Variants in TMEM232 observed in about 807,000 individuals in gnomAD.
TMEM232 encodes the protein transmembrane protein 232.
A neutral mutation model predicts 78.8 loss-of-function variants in TMEM232; 80 were observed. The observed-to-expected ratio is 1.01, with a 90% confidence interval of 0.85 to 1.22. The LOEUF (loss-of-function observed/expected upper bound fraction) is 1.22. Among genes scored for constraint, TMEM232 ranks in the 50% most tolerant of loss-of-function variants. The pLI is 0.00. For synonymous variants in TMEM232, 297 were observed against 254.3 expected, an observed-to-expected ratio of 1.17 and a Z score of -1.60; for missense variants, 881 against 742.2, an observed-to-expected ratio of 1.19 and a Z score of -2.17.
At chr5:110,460,760 G>A (rs577268915) in intron 12 of TMEM232, among the ~76,000 whole-genome samples, 3 of 150,948 alleles carry the variant, frequency 2.0e-5, no homozygotes, top group South Asian at 2.1e-4. Context: ...GTGCGCACTC[G>A]GTGTCTCTGT....
intron 3 of TMEM232, 25 bp downstream of exon 3, chr5:110,642,235 C>A: frequency 7.0e-7 from 1 of 1,428,468 alleles, no homozygotes; most frequent in South Asian, 1.3e-5. Context: ...TTAACATGCT[C>A]AACAATCAAA....
intron 10 of TMEM232, among the ~76,000 whole-genome samples, chr5:110,591,330 C>T (rs1346846216): frequency 1.3e-5 from 2 of 152,182 alleles, no homozygotes; most frequent in African/African-American, 2.4e-5. Context: ...TGGTGGCACA[C>T]ACCTGTAATC....
chr5:110,462,620 C>A (rs759306433), intron 12 of TMEM232, among the ~76,000 whole-genome samples: 21 of 152,148 alleles, frequency 1.4e-4, no homozygotes, highest in Non-Finnish European at 2.9e-4. Flanking sequence ...TGCTGGCTTC[C>A]CTACTTTTGA....
At chr5:110,620,616 TC>T (rs1172787252) in intron 7 of TMEM232, among the ~76,000 whole-genome samples, 1 of 137,012 alleles carries the variant, frequency 7.3e-6, no homozygotes, top group African/African-American at 3.0e-5. Context: ...TCTCTCTCTC[TC>T]TCTCTCTCTC....
At chr5:110,516,971 TAAAG>T (rs146541881) in intron 12 of TMEM232, among the ~76,000 whole-genome samples, 5,782 of 152,212 alleles carry the variant, frequency 0.038, 374 homozygotes, top group African/African-American at 0.13. Context: ...TCCCAGACAA[TAAAG>T]AAACATTGTC....
intron 12 of TMEM232, among the ~76,000 whole-genome samples, chr5:110,512,660 T>G (rs1767953796): frequency 6.6e-6 from 1 of 152,172 alleles, no homozygotes; most frequent in Non-Finnish European, 1.5e-5. Context: ...ACATTCTAAT[T>G]AAGCAGTTAA....
At chr5:110,595,413 T>A (rs1046362814) in intron 10 of TMEM232, among the ~76,000 whole-genome samples, 1 of 152,072 alleles carries the variant, frequency 6.6e-6, no homozygotes, top group Admixed American at 6.6e-5. Context: ...CAAAACCGTA[T>A]GAAGAAAGAG....
At chr5:110,701,235 G>T (rs906588341) in intron 1 of TMEM232, among the ~76,000 whole-genome samples, 2 of 151,910 alleles carry the variant, frequency 1.3e-5, no homozygotes, top group Non-Finnish European at 2.9e-5. Flanking sequence ...TTGATGATTT[G>T]CTAACACATA....
chr5:110,529,718 C>G (rs933183466), intron 11 of TMEM232, among the ~76,000 whole-genome samples: 2 of 152,016 alleles, frequency 1.3e-5, no homozygotes, highest in African/African-American at 4.8e-5. Context: ...AATATTTATT[C>G]AGGAAAAGGC....
intron 2 of TMEM232, among the ~76,000 whole-genome samples, chr5:110,646,189 T>C (rs1054377194): frequency 1.3e-5 from 2 of 151,818 alleles, no homozygotes; most frequent in African/African-American, 4.8e-5. Flanking sequence ...CTCAATTCAA[T>C]TGCTATCAAA....
intron 1 of TMEM232, among the ~76,000 whole-genome samples, chr5:110,700,279 G>A (rs1795281054): frequency 6.6e-6 from 1 of 152,054 alleles, no homozygotes; most frequent in African/African-American, 2.4e-5. Context: ...AATGAATGAA[G>A]ACAGTCTAAG....
intron 11 of TMEM232, among the ~76,000 whole-genome samples, chr5:110,529,383 C>T (rs1771094666): frequency 1.3e-5 from 2 of 151,948 alleles, no homozygotes; most frequent in Admixed American, 6.6e-5. Context: ...GTAGCTAGGA[C>T]TACAGGCATG....
chr5:110,421,044 G>A (rs1309760039), intron 13 of TMEM232, among the ~76,000 whole-genome samples: 2 of 151,294 alleles, frequency 1.3e-5, no homozygotes, highest in South Asian at 2.1e-4. Flanking sequence ...ATGGTTTTAC[G>A]TTCTTCATCA....
At chr5:110,530,038 G>T (rs73783609) in intron 11 of TMEM232, among the ~76,000 whole-genome samples, 6,151 of 152,178 alleles carry the variant, frequency 0.04, 197 homozygotes, top group African/African-American at 0.086. Flanking sequence ...TCAATCTTGC[G>T]ATAGGAAAGA....
At chr5:110,630,373 G>A (rs1784957080) in intron 5 of TMEM232, among the ~76,000 whole-genome samples, 1 of 152,126 alleles carries the variant, frequency 6.6e-6, no homozygotes, top group Non-Finnish European at 1.5e-5. Flanking sequence ...AGAAGTTATG[G>A]GAAATACCTG....
chr5:110,516,725 A>G (rs1022439038), intron 12 of TMEM232, among the ~76,000 whole-genome samples: 1 of 152,226 alleles, frequency 6.6e-6, no homozygotes, highest in African/African-American at 2.4e-5. Context: ...GAAAAATTAC[A>G]TAAAGAAAAA....
At chr5:110,568,324 T>C (rs1334098536) in intron 11 of TMEM232, 123 bp downstream of exon 11, 1 of 948,910 alleles carries the variant, frequency 1.1e-6, no homozygotes, top group Non-Finnish European at 1.5e-6. Context: ...TTAAAAATAT[T>C]ATTCTCACCT....
chr5:110,585,088 G>A (rs993946458), intron 10 of TMEM232, among the ~76,000 whole-genome samples: 1 of 152,090 alleles, frequency 6.6e-6, no homozygotes, highest in South Asian at 2.1e-4. Flanking sequence ...ATGTAAGGAC[G>A]ATTCCCATAA....
intron 12 of TMEM232, among the ~76,000 whole-genome samples, chr5:110,445,598 CA>C (rs930856993): frequency 3.0e-4 from 46 of 151,992 alleles, no homozygotes; most frequent in African/African-American, 1.0e-3. Context: ...CAACTTAAAA[CA>C]AAAAACATTT....
Sources: allele counts gnomAD v4.1 joint callset (sites outside exome capture counted in the v4.1 genomes callset), GRCh38; gene constraint gnomAD v4.1.1; transcripts MANE v1.5; gene names NCBI Gene and HGNC (gene_info 2026-07-23, HGNC 2026-07-21).